Variants in NEK10 observed in about 807,000 individuals in gnomAD.
NEK10 encodes NIMA related kinase 10, also known as serine/threonine-protein kinase Nek10.
In NEK10, 122 loss-of-function variants were observed where a neutral mutation model predicts 159.8. The observed-to-expected ratio is 0.76, with a 90% CI of 0.66 to 0.89. The LOEUF is 0.89. Ranked by LOEUF, NEK10 falls within the 40% of genes least tolerant of loss-of-function variation. The pLI is 0.00. For missense variants in NEK10, 1,342 were observed against 1,323.1 expected (o/e 1.01, Z -0.22); for synonymous variants, 466 against 457.1 (o/e 1.02, Z -0.25).
At position 27,119,779 on chromosome 3, in the gene NEK10, C is replaced by A. The variant is rs1941019188; in HGVS notation, c.3171G>T (p.Leu1057=). The A allele has an allele frequency of 6.2e-7, 1 of 1,613,778 alleles. No homozygotes were observed. ...TATTACCTGTAGGGTCATTTGGGGA[C>A]AGGCTGTTTCCACCGGATGAACGAT... ...LLHRSSGGNS[L]SPNDPTGLPT... The change falls in exon 33 of 36, where the codon CTG becomes CTT. Residue 1057 remains leucine, a synonymous_variant. Coordinates refer to ENST00000691995, the MANE Select transcript of NEK10 (RefSeq NM_001394966.1).
intron 23 of NEK10, among the ~76,000 whole-genome samples, chr3:27,220,216 A>G (rs1951957781): frequency 6.6e-6 from 1 of 152,198 alleles, no homozygotes; most frequent in Admixed American, 6.5e-5. Flanking sequence ...ATAGTCCTGA[A>G]TTGCTCTAAA....
chr3:27,134,352 T>A (rs894842709), intron 31 of NEK10, among the ~76,000 whole-genome samples: 1 of 152,182 alleles, frequency 6.6e-6, no homozygotes, highest in Non-Finnish European at 1.5e-5. Flanking sequence ...AGTTGCCACT[T>A]CCCCAAACCA....
chr3:27,227,734 T>C (rs143353382), intron 23 of NEK10, among the ~76,000 whole-genome samples: 1 of 152,370 alleles, frequency 6.6e-6, no homozygotes, highest in Non-Finnish European at 1.5e-5. Flanking sequence ...GAAACATTTA[T>C]TTTATTCATA....
chr3:27,173,049 G>A (rs1479786197), intron 28 of NEK10, among the ~76,000 whole-genome samples: 2 of 152,112 alleles, frequency 1.3e-5, no homozygotes, highest in Admixed American at 6.5e-5. Flanking sequence ...CTGAATTTCG[G>A]TTACCTGAGC....
intron 11 of NEK10, among the ~76,000 whole-genome samples, chr3:27,305,425 G>A (rs892481348): frequency 2.0e-5 from 3 of 152,070 alleles, no homozygotes; most frequent in Admixed American, 1.3e-4. Flanking sequence ...TTGGGAGGCT[G>A]AGGCAGAAGA....
intron 6 of NEK10, among the ~76,000 whole-genome samples, chr3:27,316,042 T>C (rs938110575): frequency 1.3e-5 from 2 of 152,166 alleles, no homozygotes; most frequent in African/African-American, 4.8e-5. Flanking sequence ...CGTAACTCCA[T>C]GGAGGGCATT....
intron 25 of NEK10, among the ~76,000 whole-genome samples, 194 bp downstream of exon 25, chr3:27,201,316 G>A (rs914284415): frequency 1.1e-4 from 17 of 152,110 alleles, no homozygotes; most frequent in African/African-American, 4.1e-4. Flanking sequence ...ATAAGTGAAC[G>A]CTCTACTTCC....
At position 27,256,912 on chromosome 3, in the gene NEK10, C is replaced by CTTTTT. The variant is rs550014186; in HGVS notation, c.2015-546_2015-542dup. Among the ~76,000 whole-genome samples, 130 of 125,090 alleles carry CTTTTT rather than the reference C, an allele frequency of 1.0e-3. 1 individual carries two copies. Among genetic ancestry groups the CTTTTT allele is most frequent in the African/African-American group, 3.0e-3 (97 of 32,546 alleles). 82.1% of individuals were successfully genotyped at this position (125,090 alleles called of 152,430 possible). On this transcript the variant is annotated intron_variant, in intron 22 of 35. Transcript: ENST00000691995. ...CTTCAGGTACTTCTCTTTTTTCTCT[C>CTTTTT]TTTTTTTTTTTTTTTTTTTTTGAGA... is the stretch of plus-strand genomic sequence containing the variant.
chr3:27,365,009 G>A (rs2048958349), intron 1 of NEK10, among the ~76,000 whole-genome samples: 3 of 152,216 alleles, frequency 2.0e-5, no homozygotes, highest in Admixed American at 2.0e-4. Flanking sequence ...GTAAGTGGCA[G>A]AGCAGAGATT....
chr3:27,321,574 A>G (rs1055044181), intron 6 of NEK10, among the ~76,000 whole-genome samples: 3 of 152,228 alleles, frequency 2.0e-5, no homozygotes, highest in Non-Finnish European at 4.4e-5. Context: ...TCAGGAGGCT[A>G]AGGAGGGAGA....
chr3:27,202,519 G>C lies in NEK10; in HGVS notation c.2129C>G (p.Ala710Gly). Residue 710 changes from alanine (A) to glycine (G), a missense_variant, in exon 24 of 36, where the codon GCT becomes GGT. Physicochemically the swap from Ala to Gly is moderately conservative, Grantham distance 60 (BLOSUM62 0). Transcript: ENST00000691995. ...VLKSEPYGEKADVWAVGCILY... is the reference protein window; with the variant it reads ...VLKSEPYGEKGDVWAVGCILY... ...GATGCAGCCTACTGCCCAGACATCA[G>C]CCTTCTCCCCATACGGCTCACTCTT... 6.2e-7 allele frequency: 1 copy of C among 1,612,704 alleles called. No individual in the cohort carries two copies. Among genetic ancestry groups the C allele is most frequent in the African/African-American group, 1.3e-5 (1 of 74,994 alleles).
rs753033972 is a variant in NEK10 at position 27,131,971 on chromosome 3, T to G, written c.2990A>C (p.His997Pro). ...YITQLPPALH[H>P]NLKRRVIERF... ...CTCTATAACCCTTCTTTTCAAATTG[T>G]GGTGCAAAGCTGGAGGAAGCTGCAT... Residue 997 changes from histidine to proline, a missense_variant, in exon 32 of 36, where the codon CAC becomes CCC. Physicochemically the swap from His to Pro is moderately conservative, Grantham distance 77 (BLOSUM62 -2). Coordinates refer to ENST00000691995, the MANE Select transcript of NEK10 (RefSeq NM_001394966.1). The G allele has an allele frequency of 3.1e-6, 5 of 1,604,704 alleles. No homozygotes were observed. Among genetic ancestry groups the G allele is most frequent in the Non-Finnish European group, 4.3e-6 (5 of 1,172,276 alleles).
chr3:27,163,248 G>A (rs370560761), intron 29 of NEK10, among the ~76,000 whole-genome samples: 5 of 152,118 alleles, frequency 3.3e-5, no homozygotes, highest in Non-Finnish European at 4.4e-5. Flanking sequence ...ATCATTTTAC[G>A]AGTTGGTCTC....
chr3:27,154,560 C>T (rs1160816485), intron 30 of NEK10, among the ~76,000 whole-genome samples: 1 of 152,138 alleles, frequency 6.6e-6, no homozygotes, highest in Non-Finnish European at 1.5e-5. Flanking sequence ...AAAATACTAG[C>T]TAACAAAATC....
At chr3:27,123,597 T>G (rs1045396047) in intron 32 of NEK10, among the ~76,000 whole-genome samples, 16 of 152,148 alleles carry the variant, frequency 1.1e-4, no homozygotes, top group African/African-American at 3.4e-4. Context: ...AAAATTATAC[T>G]CTTGGAGTTC....
At chr3:27,296,424 A>C (rs1370442708) in intron 14 of NEK10, among the ~76,000 whole-genome samples, 3 of 152,174 alleles carry the variant, frequency 2.0e-5, no homozygotes, top group African/African-American at 7.2e-5. Context: ...AATCTGGCCA[A>C]CTTCAGATGC....
intron 33 of NEK10, 60 bp downstream of exon 33, chr3:27,119,700 G>A (rs1941006218): frequency 1.6e-6 from 2 of 1,282,062 alleles, no homozygotes; most frequent in East Asian, 2.3e-5. Context: ...AGAAATAGCT[G>A]TTGATCCAAA....
At chr3:27,322,102 T>C in intron 6 of NEK10, 75 bp downstream of exon 6, 1 of 758,568 alleles carries the variant, frequency 1.3e-6, no homozygotes, top group Non-Finnish European at 2.2e-6. Flanking sequence ...ATGGACTACT[T>C]CAAAGAAAAG....
chr3:27,249,199 CCT>C (rs1216522627), intron 23 of NEK10, among the ~76,000 whole-genome samples: 5 of 152,188 alleles, frequency 3.3e-5, no homozygotes, highest in Admixed American at 1.3e-4. Context: ...CCTTGCTTCC[CCT>C]GTCTTCCACC....
Sources: gnomAD v4.1 joint callset for allele counts (sites outside exome capture counted in the v4.1 genomes callset) on GRCh38, gnomAD v4.1.1 for gene constraint, MANE v1.5 for transcripts, NCBI Gene and HGNC (gene_info 2026-07-23, HGNC 2026-07-21) for gene names.